The following LIPA variants were observed in gnomAD, a reference collection of about 807,000 sequenced individuals.
LIPA encodes the protein lipase A, lysosomal acid type, also known as lysosomal acid lipase/cholesteryl ester hydrolase.
In LIPA, 26 loss-of-function variants were observed where a neutral mutation model predicts 40.6. That is an observed-to-expected ratio of 0.64 (90% CI 0.47 to 0.89). The LOEUF (loss-of-function observed/expected upper bound fraction) is 0.89, where lower values mean the gene tolerates loss of function less well. Ranked by LOEUF, LIPA falls within the 40% of genes least tolerant of loss-of-function variation. The pLI is 0.00. For synonymous variants in LIPA, 188 were observed against 168.4 expected (o/e 1.12, Z -0.90); for missense variants, 455 against 479.6 (o/e 0.95, Z 0.48).
chr10:89,326,866 AC>A (rs1437926744), intron 1 of LIPA, among the ~76,000 whole-genome samples: 1 of 152,220 alleles, frequency 6.6e-6, no homozygotes, highest in African/African-American at 2.4e-5. Flanking sequence ...AATATGAATG[AC>A]CTATGGCCTG....
chr10:89,349,183 T>G (rs974013916), intron 2 of LIPA, among the ~76,000 whole-genome samples: 2 of 152,176 alleles, frequency 1.3e-5, no homozygotes, highest in Non-Finnish European at 2.9e-5. Flanking sequence ...AAGATTAAAC[T>G]TGGTTCACTG....
At chr10:89,302,146 G>A (rs376826158) in intron 1 of LIPA, 124 of 1,613,440 alleles carry the variant, frequency 7.7e-5, no homozygotes, top group Non-Finnish European at 9.9e-5. Flanking sequence ...TTTTCCCTTC[G>A]TATTCGGTAG....
At chr10:89,400,035 C>A (rs1159952761) in intron 2 of LIPA, among the ~76,000 whole-genome samples, 6 of 152,292 alleles carry the variant, frequency 3.9e-5, no homozygotes, top group African/African-American at 1.4e-4. Flanking sequence ...GTTTAAGACA[C>A]CCACTCTGTT....
chr10:89,221,766 C>T (rs1301090615), intron 8 of LIPA, among the ~76,000 whole-genome samples: 1 of 152,150 alleles, frequency 6.6e-6, no homozygotes, highest in Non-Finnish European at 1.5e-5. Context: ...AAAAATCAAT[C>T]TATTTCTACA....
intron 2 of LIPA, among the ~76,000 whole-genome samples, chr10:89,385,587 T>A (rs952756990): frequency 6.6e-6 from 1 of 152,096 alleles, no homozygotes; most frequent in East Asian, 1.9e-4. Flanking sequence ...CAACAAAACC[T>A]AAGAGTAAAA....
At chr10:89,281,898 C>G (rs533976834) in intron 1 of LIPA, among the ~76,000 whole-genome samples, 1 of 152,318 alleles carries the variant, frequency 6.6e-6, no homozygotes, top group South Asian at 2.1e-4. Flanking sequence ...ACTTAGTGTT[C>G]CTGGCTGAGA....
At chr10:89,354,289 C>G (rs1589619828) in intron 2 of LIPA, among the ~76,000 whole-genome samples, 1 of 152,182 alleles carries the variant, frequency 6.6e-6, no homozygotes, top group Non-Finnish European at 1.5e-5. Flanking sequence ...CTTTCTGAAC[C>G]AAATCAACGT....
At chr10:89,357,355 C>T (rs1843994232) in intron 2 of LIPA, among the ~76,000 whole-genome samples, 1 of 152,220 alleles carries the variant, frequency 6.6e-6, no homozygotes, top group Admixed American at 6.5e-5. Context: ...CACTATGTAG[C>T]AACTGTGTCT....
chr10:89,260,815 G>A (rs534223439), intron 1 of LIPA, among the ~76,000 whole-genome samples: 1 of 152,216 alleles, frequency 6.6e-6, no homozygotes, highest in East Asian at 1.9e-4. Context: ...GTTTTGTATC[G>A]GTTGGAAGCG....
At chr10:89,278,153 T>C (rs1353624146) in intron 1 of LIPA, 1 of 152,196 alleles carries the variant, frequency 6.6e-6, no homozygotes, top group African/African-American at 2.4e-5. Flanking sequence ...GAACAATTCC[T>C]ACCAAAGCAT....
chr10:89,223,924 A>G, intron 6 of LIPA, 94 bp from the exon 7 acceptor site: 7 of 1,280,604 alleles, frequency 5.5e-6, no homozygotes, highest in Non-Finnish European at 8.0e-6. Flanking sequence ...CAAGTACCCA[A>G]TGTCTCCACG....
intron 8 of LIPA, among the ~76,000 whole-genome samples, 199 bp from the exon 9 acceptor site, chr10:89,216,208 T>C (rs1198186951): frequency 6.6e-6 from 1 of 152,060 alleles, no homozygotes; most frequent in African/African-American, 2.4e-5. Flanking sequence ...TCTCATTGTA[T>C]GATTGTTAAG....
intron 2 of LIPA, among the ~76,000 whole-genome samples, chr10:89,392,316 C>A (rs1325058893): frequency 6.6e-6 from 1 of 152,178 alleles, no homozygotes; most frequent in Non-Finnish European, 1.5e-5. Flanking sequence ...CCACCAACTG[C>A]CACAATAGGC....
chr10:89,413,424 A>G (rs896166696), intron 1 of LIPA, among the ~76,000 whole-genome samples: 1 of 152,194 alleles, frequency 6.6e-6, no homozygotes, highest in Non-Finnish European at 1.5e-5. Flanking sequence ...CAAGGTAGAC[A>G]ATATTTCAAT....
intron 2 of LIPA, among the ~76,000 whole-genome samples, chr10:89,353,448 C>T (rs1843970736): frequency 6.6e-6 from 1 of 152,190 alleles, no homozygotes; most frequent in South Asian, 2.1e-4. Flanking sequence ...GACAGCCCAA[C>T]CCAAGGGAAG....
At chr10:89,306,939 A>C (rs1335740085) in intron 1 of LIPA, 1 of 1,614,048 alleles carries the variant, frequency 6.2e-7, no homozygotes, top group Non-Finnish European at 8.5e-7. Context: ...AAAGCTGATG[A>C]GGCCAATGAT....
At chr10:89,255,455 G>A (rs1473086346), upstream of LIPA, among the ~76,000 whole-genome samples, 1 of 152,184 alleles carries the variant, frequency 6.6e-6, no homozygotes, top group Non-Finnish European at 1.5e-5. Context: ...CCCACAACAT[G>A]TGGGCATTAT....
intron 1 of LIPA, among the ~76,000 whole-genome samples, chr10:89,303,931 A>C (rs770874368): frequency 7.2e-5 from 11 of 152,172 alleles, no homozygotes; most frequent in Admixed American, 1.3e-4. Flanking sequence ...TAATGAATGC[A>C]GTAGAGAGTG....
intron 4 of LIPA, 103 bp from the exon 5 acceptor site, chr10:89,227,107 T>G (rs1277334040): frequency 2.5e-6 from 2 of 796,438 alleles, no homozygotes; most frequent in Non-Finnish European, 2.2e-6. Context: ...TAAACACAGC[T>G]GGGAAAACCA....
Sources: gnomAD v4.1 joint callset for allele counts (sites outside exome capture counted in the v4.1 genomes callset) on GRCh38, gnomAD v4.1.1 for gene constraint, MANE v1.5 for transcripts, NCBI Gene and HGNC (gene_info 2026-07-23, HGNC 2026-07-21) for gene names.